CCSER2: variants seen among roughly 807,000 people sequenced by gnomAD.
CCSER2 encodes coiled-coil serine rich protein 2, also known as serine-rich coiled-coil domain-containing protein 2.
Under a neutral mutation model 92.3 loss-of-function variants are expected in CCSER2, and 46 were observed. The ratio of observed to expected loss-of-function variants is 0.50; its 90% CI spans 0.39 to 0.64. The LOEUF (loss-of-function observed/expected upper bound fraction) is 0.64, where lower values mean the gene tolerates loss of function less well. Among genes scored for constraint, CCSER2 ranks in the 30% least tolerant of loss-of-function variants. The pLI is 0.00. For missense variants in CCSER2, 1,244 were observed against 1,238.9 expected (o/e 1.00, Z -0.06); for synonymous variants, 433 against 431.4 (o/e 1.00, Z -0.04).
intron 9 of CCSER2, among the ~76,000 whole-genome samples, chr10:84,486,493 A>G (rs138726454): frequency 0.02 from 2,997 of 152,334 alleles, 46 homozygotes; most frequent in South Asian, 0.069. Context: ...TGTGATGGCC[A>G]GTGATGATGA....
intron 3 of CCSER2, among the ~76,000 whole-genome samples, chr10:84,380,934 A>T (rs1303390805): frequency 6.6e-6 from 1 of 152,044 alleles, no homozygotes; most frequent in African/African-American, 2.4e-5. Context: ...TGACCTCGTG[A>T]TCTGCCCACC....
intron 1 of CCSER2, among the ~76,000 whole-genome samples, chr10:84,358,922 T>C (rs558063314): frequency 1.3e-5 from 2 of 152,268 alleles, no homozygotes; most frequent in East Asian, 3.9e-4. Flanking sequence ...GTTGCCTTGT[T>C]CATATGTACA....
At chr10:84,511,218 T>C (rs1849332132) in intron 9 of CCSER2, among the ~76,000 whole-genome samples, 1 of 152,202 alleles carries the variant, frequency 6.6e-6, no homozygotes, top group Non-Finnish European at 1.5e-5. Flanking sequence ...ATATTTGATA[T>C]GAAGCTTTAT....
At chr10:84,432,590 G>T (rs781163745) in intron 5 of CCSER2, among the ~76,000 whole-genome samples, 1 of 152,164 alleles carries the variant, frequency 6.6e-6, no homozygotes, top group Non-Finnish European at 1.5e-5. Flanking sequence ...TTATTCTCTT[G>T]TTGAGTTTTA....
intron 1 of CCSER2, among the ~76,000 whole-genome samples, chr10:84,344,422 A>G (rs1325307785): frequency 6.6e-6 from 1 of 151,032 alleles, no homozygotes; most frequent in South Asian, 2.1e-4. Context: ...TTTTGAATAT[A>G]TGTTTCTTTA....
At chr10:84,490,038 T>A (rs1194306417) in intron 9 of CCSER2, among the ~76,000 whole-genome samples, 1 of 152,192 alleles carries the variant, frequency 6.6e-6, no homozygotes, top group Admixed American at 6.5e-5. Flanking sequence ...GGTTGAAAAT[T>A]CTTTTCTTTA....
intron 3 of CCSER2, 160 bp downstream of exon 3, chr10:84,373,975 A>G (rs1216920165): frequency 2.9e-6 from 4 of 1,400,770 alleles, no homozygotes; most frequent in Non-Finnish European, 3.8e-6. Flanking sequence ...TGACTCTAAT[A>G]TGAAATAAAG....
At chr10:84,330,243 ATCT>A (rs761374669) in intron 1 of CCSER2, among the ~76,000 whole-genome samples, 1 of 152,226 alleles carries the variant, frequency 6.6e-6, no homozygotes, top group Non-Finnish European at 1.5e-5. Flanking sequence ...TTCTAGTGTC[ATCT>A]TCTACCATTA....
chr10:84,391,715 G>A (rs1296272857), intron 3 of CCSER2: 19 of 1,500,600 alleles, frequency 1.3e-5, no homozygotes, highest in East Asian at 1.1e-4. Flanking sequence ...TCTTGGTTAC[G>A]TGTGTCTTCA....
chr10:84,381,116 T>G (rs555792805), intron 3 of CCSER2, among the ~76,000 whole-genome samples: 1 of 152,316 alleles, frequency 6.6e-6, no homozygotes, highest in South Asian at 2.1e-4. Flanking sequence ...TGATACTGGT[T>G]GTTGTGTATT....
In CCSER2 at chr10:84,425,869, A is replaced by G. The variant is rs780899399; in HGVS notation, c.1844A>G (p.His615Arg). The G allele has an allele frequency of 2.5e-6, 4 of 1,604,540 alleles. No individual in the cohort carries two copies. The South Asian group carries it at 4.5e-5, about 18-fold the overall frequency. Residue 615 changes from histidine (H) to arginine (R), a missense_variant, in exon 5 of 10, where the codon CAC becomes CGC. His to Arg is a conservative substitution (Grantham distance 29). Coordinates refer to ENST00000372088, the MANE Select transcript of CCSER2 (RefSeq NM_001284240.2). ...YHLSHPDHYH[H>R]HGKSDLSRGS... ...CTCAGCCACCCTGACCACTATCATC[A>G]CCATGGAAAAAGTGACTTGAGCAGG...
At chr10:84,365,134 T>G (rs1845714884) in intron 1 of CCSER2, among the ~76,000 whole-genome samples, 2 of 152,170 alleles carry the variant, frequency 1.3e-5, no homozygotes, top group African/African-American at 2.4e-5. Context: ...AACTGACATT[T>G]TCAAGCACTG....
chr10:84,403,192 G>A (rs1414942277), intron 3 of CCSER2, among the ~76,000 whole-genome samples: 1 of 106 alleles, frequency 9.4e-3, no homozygotes, highest in Non-Finnish European at 0.023. Flanking sequence ...AAGGTTAGAG[G>A]CAGTTTAACA....
intron 3 of CCSER2, among the ~76,000 whole-genome samples, chr10:84,394,652 A>G (rs4415697): frequency 0.85 from 129,728 of 151,910 alleles, 55,470 homozygotes; most frequent in East Asian, 0.9. Flanking sequence ...CCCCAGGGAA[A>G]TAAGATGGTG....
intron 9 of CCSER2, among the ~76,000 whole-genome samples, chr10:84,495,526 A>AT (rs1220256466): frequency 1.3e-5 from 2 of 151,864 alleles, no homozygotes; most frequent in African/African-American, 4.8e-5. Flanking sequence ...TTGTCTAGTT[A>AT]TTTTTATCAG....
intron 3 of CCSER2, among the ~76,000 whole-genome samples, chr10:84,383,460 G>A (rs1202577887): frequency 1.3e-5 from 2 of 151,916 alleles, no homozygotes; most frequent in Admixed American, 6.6e-5. Flanking sequence ...ACAGGTGCCC[G>A]CCACCATACC....
At chr10:84,342,361 C>G (rs1276673083) in intron 1 of CCSER2, among the ~76,000 whole-genome samples, 1 of 152,188 alleles carries the variant, frequency 6.6e-6, no homozygotes, top group Non-Finnish European at 1.5e-5. Flanking sequence ...ACTTTGGCTA[C>G]TGCCAATCTC....
intron 6 of CCSER2, among the ~76,000 whole-genome samples, chr10:84,444,198 A>G (rs1406139023): frequency 1.3e-5 from 2 of 152,166 alleles, no homozygotes; most frequent in African/African-American, 4.8e-5. Context: ...AGATAGATTT[A>G]GGGCAGGTTG....
intron 4 of CCSER2, among the ~76,000 whole-genome samples, chr10:84,423,969 A>G (rs1843285440): frequency 6.9e-6 from 1 of 144,046 alleles, no homozygotes; most frequent in Non-Finnish European, 1.5e-5. Flanking sequence ...CAGCATAGCA[A>G]GTCCCCATCT....
Sources: allele counts gnomAD v4.1 joint callset (sites outside exome capture counted in the v4.1 genomes callset), GRCh38; gene constraint gnomAD v4.1.1; transcripts MANE v1.5; gene names NCBI Gene and HGNC (gene_info 2026-07-23, HGNC 2026-07-21).